Variants in DMD observed in about 807,000 individuals in gnomAD.
DMD encodes dystrophin.
DMD carries 63 observed loss-of-function variants against 330.1 expected under a neutral mutation model. That is an observed-to-expected ratio of 0.19 (90% CI 0.16 to 0.24). DMD has a LOEUF of 0.24. Ranked by LOEUF, DMD falls within the 10% of genes least tolerant of loss-of-function variation. DMD has a pLI of 1.00. For synonymous variants in DMD, 1,223 were observed against 959.8 expected (o/e 1.27, Z -5.07); for missense variants, 3,344 against 2,684.1 (o/e 1.25, Z -5.43).
intron 41 of DMD, among the ~76,000 whole-genome samples, chrX:32,329,026 TTCATTCATTCAA>T (rs2097666090): frequency 1.8e-5 from 2 of 111,682 alleles, no homozygotes; most frequent in Admixed American, 9.6e-5. Context: ...ATGTTATACA[TTCATTCATTCAA>T]TCATTCATTC....
intron 1 of DMD, among the ~76,000 whole-genome samples, chrX:33,325,394 T>C (rs914211776): frequency 3.6e-5 from 4 of 111,655 alleles, no homozygotes; most frequent in African/African-American, 1.3e-4. Flanking sequence ...AAGTAATTAA[T>C]TTGTTCACTT....
rs751717044 is a variant in DMD at position 33,009,984 on chromosome X, G to A, written c.93+10155C>T. 1.7e-4 allele frequency among the ~76,000 whole-genome samples: 9 copies of A among 53,980 alleles called. 1 individual carries two copies. Among genetic ancestry groups the A allele is most frequent in the Non-Finnish European group, 2.9e-4 (9 of 30,753 alleles). The allele number at this position is 53,980 out of a possible 115,157, so 46.9% of individuals were successfully genotyped here. A position where few individuals can be genotyped will look rare whatever the true frequency, so the allele number is the denominator to read the frequency against. ...TATACACATATGTGTGTATACACAT[G>A]TGTGTATATACACGTATGTATGTGT... On this transcript the variant is annotated intron_variant, in intron 2 of 78. Transcript: ENST00000357033.
intron 48 of DMD, among the ~76,000 whole-genome samples, chrX:31,873,617 C>A (rs2093925463): frequency 8.9e-6 from 1 of 112,111 alleles, no homozygotes; most frequent in South Asian, 3.6e-4. Flanking sequence ...AGTTGCCCAA[C>A]AATACATTCA....
intron 1 of DMD, among the ~76,000 whole-genome samples, chrX:33,322,149 T>C (rs1603430442): frequency 8.9e-6 from 1 of 111,806 alleles, no homozygotes; most frequent in Admixed American, 9.6e-5. Flanking sequence ...ATTTTTCCTT[T>C]GCATTCACAC....
intron 18 of DMD, among the ~76,000 whole-genome samples, chrX:32,503,503 T>C (rs955918705): frequency 1.8e-5 from 2 of 112,434 alleles, no homozygotes; most frequent in African/African-American, 6.5e-5. Context: ...CATATTTTTA[T>C]GTATCTGAAA....
chrX:32,141,678 AACACACACACACAC>A (rs56858722), intron 44 of DMD, among the ~76,000 whole-genome samples: 22 of 88,111 alleles, frequency 2.5e-4, no homozygotes, highest in Admixed American at 7.8e-4. Context: ...TATAGAGTGC[AACACACACACACAC>A]ACACACACAC....
intron 63 of DMD, among the ~76,000 whole-genome samples, chrX:31,230,677 T>C (rs1190203454): frequency 9.4e-6 from 1 of 106,445 alleles, no homozygotes; most frequent in Non-Finnish European, 1.9e-5. Context: ...AGAGAAGCAA[T>C]AAAGTACCTA....
intron 53 of DMD, among the ~76,000 whole-genome samples, chrX:31,679,102 G>A (rs1458357619): frequency 1.8e-5 from 2 of 110,508 alleles, no homozygotes; most frequent in East Asian, 2.9e-4. Context: ...CTGGCTAGTA[G>A]TCCCAGCTAC....
chrX:32,442,692 T>C (rs555354735), intron 27 of DMD, among the ~76,000 whole-genome samples: 1 of 110,603 alleles, frequency 9.0e-6, no homozygotes, highest in Admixed American at 9.6e-5. Context: ...ACAAGACTGT[T>C]ACAACAATGA....
chrX:32,521,079 G>C (rs2046377060), intron 17 of DMD, among the ~76,000 whole-genome samples: 1 of 111,495 alleles, frequency 9.0e-6, no homozygotes, highest in African/African-American at 3.3e-5. Flanking sequence ...TTACATTTGA[G>C]TTTCCCTTCT....
At chrX:32,013,364 C>G (rs1189818711) in intron 44 of DMD, among the ~76,000 whole-genome samples, 1 of 111,030 alleles carries the variant, frequency 9.0e-6, no homozygotes, top group South Asian at 3.8e-4. Flanking sequence ...GGATTACAGG[C>G]GTGAGCCACC....
At chrX:32,684,531 TA>T (rs2062705757) in intron 9 of DMD, among the ~76,000 whole-genome samples, 1 of 111,570 alleles carries the variant, frequency 9.0e-6, no homozygotes, top group Admixed American at 9.6e-5. Context: ...ATTTTGTGAT[TA>T]AAAAATTATG....
intron 63 of DMD, among the ~76,000 whole-genome samples, chrX:31,245,192 T>C (rs2048714164): frequency 8.9e-6 from 1 of 112,082 alleles, no homozygotes. Flanking sequence ...AATCTACAAC[T>C]TAACTGATAT....
rs751164104 is a variant in DMD at position 32,697,889 on chromosome X, C to A, written c.941G>T (p.Arg314Leu). Reference protein sequence around the residue: ...AAYVTTSDPTRSPFPSQHLEA... With the variant: ...AAYVTTSDPTLSPFPSQHLEA... ...ACAGACCTGTGAAGGAAATGGGCTC[C>A]GTGTAGGGTCAGAGGTGGTGACATA... is the stretch of plus-strand genomic sequence containing the variant. Residue 314 changes from arginine (R) to leucine (L), a missense_variant, in exon 9 of 79, where the codon CGG becomes CTG. Coordinates refer to ENST00000357033, the MANE Select transcript of DMD (RefSeq NM_004006.3). 14 of 1,210,227 alleles carry A rather than the reference C, an allele frequency of 1.2e-5. No individual in the cohort carries two copies. Among genetic ancestry groups the A allele is most frequent in the Non-Finnish European group, 1.3e-5 (12 of 894,887 alleles).
At chrX:32,332,299 C>A (rs2097684107) in intron 41 of DMD, among the ~76,000 whole-genome samples, 1 of 109,966 alleles carries the variant, frequency 9.1e-6, no homozygotes, top group Non-Finnish European at 1.9e-5. Context: ...TGGGTTGGAG[C>A]TCTACTTCTA....
intron 55 of DMD, among the ~76,000 whole-genome samples, chrX:31,608,473 A>T (rs1270841822): frequency 1.8e-5 from 2 of 112,120 alleles, no homozygotes; most frequent in Non-Finnish European, 3.8e-5. Flanking sequence ...ATTAAAAAAT[A>T]AAACATAGGC....
intron 55 of DMD, among the ~76,000 whole-genome samples, chrX:31,622,822 T>C (rs2078610919): frequency 1.0e-5 from 1 of 98,199 alleles, no homozygotes; most frequent in African/African-American, 3.7e-5. Flanking sequence ...ATACGCTGAA[T>C]TAATAAAAGT....
rs113943502 is a variant in DMD, at chrX:32,063,187, A to AACACACACACACACACAC, written c.6439-94691_6439-94674dup. Among the ~76,000 whole-genome samples the AACACACACACACACACAC allele has an allele frequency of 7.2e-3, 728 of 100,760 alleles. 3 individuals are homozygous for AACACACACACACACACAC. The highest frequency in any genetic ancestry group is 0.01 in the Non-Finnish European group (512 of 49,502). The allele number at this position is 100,760 out of a possible 115,157, so 87.5% of individuals were successfully genotyped here. On this transcript the variant is annotated intron_variant, in intron 44 of 78. Transcript: ENST00000357033. The stretch of plus-strand genomic sequence containing the variant: ...CTCAAATAATGTTTTAAGTATGTCT[A>AACACACACACACACACAC]ACACACACACACACACACACACACA...
intron 67 of DMD, among the ~76,000 whole-genome samples, chrX:31,193,493 T>C (rs2042585894): frequency 8.9e-6 from 1 of 112,016 alleles, no homozygotes; most frequent in Non-Finnish European, 1.9e-5. Context: ...ATGCAGAAAG[T>C]ATGGTAGAAT....
Sources: allele counts gnomAD v4.1 joint callset (sites outside exome capture counted in the v4.1 genomes callset), GRCh38; gene constraint gnomAD v4.1.1; transcripts MANE v1.5; gene names NCBI Gene and HGNC (gene_info 2026-07-23, HGNC 2026-07-21).